The following SLC66A3 variants were observed in gnomAD, a reference collection of about 807,000 sequenced individuals.
The protein encoded by SLC66A3 is solute carrier family 66 member 3.
In SLC66A3, 23 loss-of-function variants were observed where a neutral mutation model predicts 25.5. The ratio of observed to expected loss-of-function variants is 0.90; its 90% CI spans 0.65 to 1.28. SLC66A3 has a LOEUF of 1.28. SLC66A3 is among the 50% of genes most tolerant of loss of function. The pLI is 0.00. For synonymous variants in SLC66A3, 108 were observed against 112.6 expected, an observed-to-expected ratio of 0.96 and a Z score of 0.26; for missense variants, 246 against 262.1, an observed-to-expected ratio of 0.94 and a Z score of 0.42.
In SLC66A3 at chr2:11,178,044, T is replaced by C. The variant is rs1662827925; in HGVS notation, c.*216T>C. On this transcript the variant is annotated 3_prime_UTR_variant, in exon 7 of 7. Coordinates refer to ENST00000295083, the MANE Select transcript of SLC66A3 (RefSeq NM_152391.5). ...TCCTCACTTCGTTAGGTTATGGTAG[T>C]GCTCAGACATCTGCAGTGTTGAGGC... 2 of 483,412 alleles carry C rather than the reference T, an allele frequency of 4.1e-6. No individual in the cohort carries two copies. The highest frequency in any genetic ancestry group is 7.3e-6 in the Non-Finnish European group (2 of 274,096). The allele number at this position is 483,412 out of a possible 1,614,324, so 29.9% of individuals were successfully genotyped here. A position where few individuals can be genotyped will look rare whatever the true frequency, so the allele number is the denominator to read the frequency against.
chr2:11,157,962 C>T (rs1391796422), intron 1 of SLC66A3, among the ~76,000 whole-genome samples: 3 of 152,224 alleles, frequency 2.0e-5, no homozygotes, highest in African/African-American at 7.2e-5. Context: ...CTTCCATGGA[C>T]TGCGGCCCTC....
chr2:11,175,745 A>G (rs1224861162), intron 6 of SLC66A3, among the ~76,000 whole-genome samples: 1 of 152,248 alleles, frequency 6.6e-6, no homozygotes, highest in Non-Finnish European at 1.5e-5. Flanking sequence ...AGAATTTAGT[A>G]ATTCCTTAGG....
chr2:11,160,487 C>G lies in SLC66A3; in HGVS notation c.165C>G (p.Tyr55Ter), dbSNP rs780937544. Reference sequence around the variant, plus strand: ...CCAGATTCCTGGTGTTTCTGCGGTACCAGTGTTACTATGGGTATCCGCCGC... The same window carrying G: ...CCAGATTCCTGGTGTTTCTGCGGTAGCAGTGTTACTATGGGTATCCGCCGC... ...ELAGFLVFLR[Y>*]QCYYGYPPLT... The change falls in exon 2 of 7, where the codon TAC (tyrosine) becomes TAG (stop). Residue 55 changes from tyrosine to a stop codon, truncating the protein, a stop_gained. Coordinates refer to ENST00000295083, the MANE Select transcript of SLC66A3 (RefSeq NM_152391.5). LOFTEE classifies it high-confidence loss of function. 6 of 1,614,164 alleles carry G rather than the reference C, an allele frequency of 3.7e-6. No individual in the cohort carries two copies. In the East Asian group the frequency reaches 1.1e-4, roughly 30 times the overall value.
At position 11,171,986 on chromosome 2, in the gene SLC66A3, C is replaced by T. The variant is rs776780897; in HGVS notation, c.416C>T (p.Thr139Met). Residue 139 changes from threonine to methionine, a missense_variant, in exon 5 of 7, where the codon ACG (threonine) becomes ATG (methionine). Around this residue, in one of 3 missense-constraint regions of SLC66A3, gnomAD observed 93 missense variants for 102.6 expected, o/e 0.91. Transcript: ENST00000295083. ...GCACAGCTCCAGTGTCTGTGGAAGA[C>T]GAGAGACTCAGGAACTGTGAGTGCG... ...KFAQLQCLWK[T>M]RDSGTVSALT... 5.0e-5 allele frequency: 80 copies of T among 1,613,838 alleles called. No homozygotes were observed. The highest frequency in any genetic ancestry group is 2.0e-4 in the Admixed American group (12 of 59,992).
chr2:11,169,837 C>CTCTTTTTT (rs1489468335), intron 4 of SLC66A3, among the ~76,000 whole-genome samples: 8 of 89,046 alleles, frequency 9.0e-5, no homozygotes, highest in Non-Finnish European at 1.0e-4. Context: ...GGATTTCTCT[C>CTCTTTTTT]TTTTTTTTTT....
intron 1 of SLC66A3, among the ~76,000 whole-genome samples, chr2:11,158,714 G>A (rs11892387): frequency 0.38 from 57,665 of 151,586 alleles, 11,852 homozygotes; most frequent in South Asian, 0.52. Flanking sequence ...TCAGCTACTC[G>A]GGAGGCTGAG....
At chr2:11,167,111 C>A (rs1341152382) in intron 4 of SLC66A3, among the ~76,000 whole-genome samples, 1 of 152,172 alleles carries the variant, frequency 6.6e-6, no homozygotes, top group African/African-American at 2.4e-5. Context: ...TGAGCCTTCA[C>A]CCCTGAGGAA....
intron 4 of SLC66A3, among the ~76,000 whole-genome samples, chr2:11,165,702 T>C (rs376195789): frequency 1.7e-4 from 26 of 152,146 alleles, no homozygotes; most frequent in Admixed American, 1.1e-3. Flanking sequence ...CGAGATCACG[T>C]CACTGCACTC....
At position 11,162,562 on chromosome 2, in the gene SLC66A3, C is replaced by T. The variant is rs555965523; in HGVS notation, c.297-1642C>T. 9.9e-5 allele frequency among the ~76,000 whole-genome samples: 15 copies of T among 152,138 alleles called. No individual in the cohort carries two copies. The East Asian group carries it at 2.5e-3, about 25-fold the overall frequency. On this transcript the variant is annotated intron_variant, in intron 3 of 6. Coordinates refer to ENST00000295083, the MANE Select transcript of SLC66A3 (RefSeq NM_152391.5). Reference sequence around the variant, plus strand: ...CCCATTGGTTGTGACTTACGGAGAGCGAAAGAATAGGGTTACCATATTAAT... The same window carrying T: ...CCCATTGGTTGTGACTTACGGAGAGTGAAAGAATAGGGTTACCATATTAAT...
At position 11,175,020 on chromosome 2, in the gene SLC66A3, T is replaced by C; in HGVS notation, c.517+11T>C. On this transcript the variant is annotated intron_variant, in intron 6 of 6. Coordinates refer to ENST00000295083, the MANE Select transcript of SLC66A3 (RefSeq NM_152391.5). ...CCAATGATTTTACAAGTAAGCAAAA[T>C]ATCTTCTCACTTCCTTTTTGAGTTT... 1 of 1,592,972 alleles carries C rather than the reference T, an allele frequency of 6.3e-7. No individual in the cohort carries two copies. The highest frequency in any genetic ancestry group is 1.1e-5 in the South Asian group (1 of 87,916).
intron 4 of SLC66A3, among the ~76,000 whole-genome samples, chr2:11,165,908 C>G (rs766524144): frequency 4.6e-5 from 7 of 152,208 alleles, no homozygotes; most frequent in Admixed American, 2.0e-4. Context: ...CCCAGGCACT[C>G]GGCAGGCTGA....
At position 11,175,131 on chromosome 2, in the gene SLC66A3, T is replaced by C. The variant is rs74896328; in HGVS notation, c.517+122T>C. On this transcript the variant is annotated intron_variant, in intron 6 of 6. Coordinates refer to ENST00000295083, the MANE Select transcript of SLC66A3 (RefSeq NM_152391.5). ...TCTGTTGGATTATAGATTTAGAAGA[T>C]GGCAACAATGTATTCCTAGTCTTAT... 7.5e-3 allele frequency: 5,155 copies of C among 688,156 alleles called. 224 individuals carry two copies. The African/African-American group carries it at 0.083, about 11-fold the overall frequency. 42.6% of individuals were successfully genotyped at this position (688,156 alleles called of 1,614,324 possible).
At chr2:11,156,954 G>A (rs1020270322) in intron 1 of SLC66A3, among the ~76,000 whole-genome samples, 2 of 152,130 alleles carry the variant, frequency 1.3e-5, no homozygotes, top group Non-Finnish European at 1.5e-5. Context: ...GTGGGAGAGG[G>A]GACAAGGGCA....
At position 11,164,254 on chromosome 2, in the gene SLC66A3, TG is replaced by T; in HGVS notation, c.349del (p.Ala117ProfsTer2). On this transcript the variant is annotated frameshift_variant, in exon 4 of 7. Coordinates refer to ENST00000295083, the MANE Select transcript of SLC66A3 (RefSeq NM_152391.5). LOFTEE classifies it high-confidence loss of function. ...GCCCTGCAGAAGTGGATCATAGACC[TG>T]GCCATGGTAAGTATTATGCTTGAAA... ...ILALQKWIID[L>X]AMNLCTFISA... 1 of 1,558,050 alleles carries T rather than the reference TG, an allele frequency of 6.4e-7. No individual in the cohort carries two copies. The highest frequency in any genetic ancestry group is 8.7e-7 in the Non-Finnish European group (1 of 1,153,784).
intron 6 of SLC66A3, 42 bp from the exon 7 acceptor site, chr2:11,177,695 A>G (rs376704717): frequency 5.0e-5 from 66 of 1,317,664 alleles, no homozygotes; most frequent in Non-Finnish European, 7.2e-5. Flanking sequence ...TTTGGTCTGT[A>G]TTGTAAAGAC....
chr2:11,173,883 A>T (rs778943422), intron 5 of SLC66A3, among the ~76,000 whole-genome samples: 3 of 152,194 alleles, frequency 2.0e-5, no homozygotes, highest in Non-Finnish European at 4.4e-5. Flanking sequence ...CCCTTGGAAA[A>T]ATCTTCCCCT....
intron 5 of SLC66A3, chr2:11,172,834 C>A: frequency 3.0e-6 from 1 of 329,588 alleles, no homozygotes; most frequent in South Asian, 2.3e-5. Context: ...AGTACGAGCA[C>A]ACACCACCAC....
In SLC66A3 at chr2:11,177,999, A is replaced by T. The variant is rs999233369; in HGVS notation, c.*171A>T. 3.5e-6 allele frequency: 2 copies of T among 577,892 alleles called. No individual in the cohort carries two copies. The highest frequency in any genetic ancestry group is 3.8e-5 in the African/African-American group (2 of 52,934). 35.8% of individuals were successfully genotyped at this position (577,892 alleles called of 1,614,324 possible). ...GAGCCACTTAAATTCTTGTTTAAAAATACCAATTTGCCTCCTCCTTCCTCA... is the reference window on the plus strand; with the variant it reads ...GAGCCACTTAAATTCTTGTTTAAAATTACCAATTTGCCTCCTCCTTCCTCA... On this transcript the variant is annotated 3_prime_UTR_variant, in exon 7 of 7. Coordinates refer to ENST00000295083, the MANE Select transcript of SLC66A3 (RefSeq NM_152391.5).
chr2:11,169,733 C>T (rs1180686508), intron 4 of SLC66A3, among the ~76,000 whole-genome samples: 2 of 152,078 alleles, frequency 1.3e-5, no homozygotes, highest in African/African-American at 4.8e-5. Flanking sequence ...TCCCACCCTG[C>T]CCCTCTCCCA....
Sources: allele counts gnomAD v4.1 joint callset (sites outside exome capture counted in the v4.1 genomes callset), GRCh38; gene constraint gnomAD v4.1.1; regional missense constraint gnomAD v4.1.1; transcripts MANE v1.5; gene names NCBI Gene and HGNC (gene_info 2026-07-23, HGNC 2026-07-21).